Variants in STARD9 observed in about 807,000 individuals in gnomAD.
STARD9 encodes StAR related lipid transfer domain containing 9.
In STARD9, 346 loss-of-function variants were observed where a neutral mutation model predicts 399.8. That is an observed-to-expected ratio of 0.87 (90% CI 0.79 to 0.95). STARD9 has a LOEUF of 0.95. Among genes scored for constraint, STARD9 ranks in the 40% least tolerant of loss-of-function variants. The pLI is 0.00. For synonymous variants in STARD9, 2,203 were observed against 2,143.5 expected (o/e 1.03, Z -0.77); for missense variants, 5,832 against 5,667.5 (o/e 1.03, Z -0.93).
chr15:42,642,035 T>TA (rs1279715684), intron 7 of STARD9, among the ~76,000 whole-genome samples: 2 of 152,188 alleles, frequency 1.3e-5, no homozygotes, highest in Non-Finnish European at 2.9e-5. Context: ...TAAACTTTTT[T>TA]AAAAAAATGT....
Position 42,675,825 on chromosome 15 carries a change from G to T in STARD9, c.1771-47G>T, listed in dbSNP as rs1270210411. ...TAGATGAAAAGCCAAGCTGGGAGAG[G>T]TGGAGGCGATGACAGCAGCCTCACT... is the stretch of plus-strand genomic sequence containing the variant. On this transcript the variant is annotated intron_variant, in intron 19 of 32. Coordinates refer to ENST00000290607, the MANE Select transcript of STARD9 (RefSeq NM_020759.3). 7.8e-6 allele frequency: 12 copies of T among 1,533,918 alleles called. No individual in the cohort carries two copies. In the East Asian group the frequency reaches 2.4e-4, roughly 31 times the overall value.
In STARD9 at chr15:42,684,775, G is replaced by C. The variant is rs746297793; in HGVS notation, c.3197G>C (p.Ser1066Thr). 390 of 1,537,126 alleles carry C rather than the reference G, an allele frequency of 2.5e-4. 1 individual carries two copies. Among genetic ancestry groups the C allele is most frequent in the Non-Finnish European group, 3.3e-4 (379 of 1,146,928 alleles). Reference sequence around the variant, plus strand: ...AAGTCCTCTCACTTGCCTCTTGGCAGTCCTTTGAAGAGACAACAAAATACA... The same window carrying C: ...AAGTCCTCTCACTTGCCTCTTGGCACTCCTTTGAAGAGACAACAAAATACA... ...TKKSSHLPLGSPLKRQQNTRD... is the reference protein window; with the variant it reads ...TKKSSHLPLGTPLKRQQNTRD... The change falls in exon 23 of 33, where the codon AGT (serine) becomes ACT (threonine). Residue 1066 changes from serine (S) to threonine (T), a missense_variant. By Grantham distance (58) the Ser-to-Thr change is moderately conservative. Around this residue, in one of 2 missense-constraint regions of STARD9, gnomAD observed 5,828 missense variants for 5,651.1 expected, o/e 1.03. Coordinates refer to ENST00000290607, the MANE Select transcript of STARD9 (RefSeq NM_020759.3).
chr15:42,665,154 A>G, intron 13 of STARD9, 99 bp from the exon 14 acceptor site: 2 of 891,376 alleles, frequency 2.2e-6, no homozygotes, highest in Non-Finnish European at 3.5e-6. Context: ...GACTACTCCA[A>G]AGGAGTAATC....
In STARD9 at chr15:42,693,801, C is replaced by A. The variant is rs35842593; in HGVS notation, c.12223C>A (p.Arg4075=). 12,682 of 1,536,202 alleles carry A rather than the reference C, an allele frequency of 8.3e-3. 82 individuals are homozygous for A. Among genetic ancestry groups the A allele is most frequent in the Non-Finnish European group, 9.2e-3 (10,522 of 1,146,498 alleles). ...AGGGGAACCACAACGCACTCTGGAC[C>A]GACCTTCTTCATGGGGAGGCCTCCA... ...SPGEPQRTLD[R]PSSWGGLQHL... The change falls in exon 23 of 33, where the codon CGA becomes AGA. Residue 4075 remains arginine (R), a synonymous_variant. Coordinates refer to ENST00000290607, the MANE Select transcript of STARD9 (RefSeq NM_020759.3).
Position 42,651,007 on chromosome 15 carries a change from A to G in STARD9, c.560-9A>G. 3 of 1,504,296 alleles carry G rather than the reference A, an allele frequency of 2.0e-6. No homozygotes were observed. Among genetic ancestry groups the G allele is most frequent in the Non-Finnish European group, 2.7e-6 (3 of 1,125,980 alleles). 93.2% of individuals were successfully genotyped at this position (1,504,296 alleles called of 1,614,324 possible). On this transcript the variant is annotated splice_polypyrimidine_tract_variant and intron_variant, in intron 7 of 32. Coordinates refer to ENST00000290607, the MANE Select transcript of STARD9 (RefSeq NM_020759.3). ...TTAATTTCTTTTTTCCGTTTCACAAATCCGATAGGTTTATCTCAACATGTA... is the reference window on the plus strand; with the variant it reads ...TTAATTTCTTTTTTCCGTTTCACAAGTCCGATAGGTTTATCTCAACATGTA...
At chr15:42,621,922 A>T (rs1023421345) in intron 3 of STARD9, among the ~76,000 whole-genome samples, 10 of 152,206 alleles carry the variant, frequency 6.6e-5, no homozygotes, top group African/African-American at 2.2e-4. Context: ...AAAGCTAGGG[A>T]ATATATATTT....
At chr15:42,600,249 A>G (rs929245839) in intron 3 of STARD9, among the ~76,000 whole-genome samples, 6 of 152,180 alleles carry the variant, frequency 3.9e-5, no homozygotes, top group Admixed American at 3.3e-4. Flanking sequence ...AGTCCAGCCT[A>G]TATAGGACAT....
intron 26 of STARD9, among the ~76,000 whole-genome samples, chr15:42,704,162 C>T (rs1264809997): frequency 2.0e-5 from 3 of 152,258 alleles, no homozygotes; most frequent in South Asian, 4.1e-4. Context: ...CTGCCTGCCT[C>T]GGCCTCCCAA....
Position 42,607,194 on chromosome 15 carries a change from C to CTTTTTTT in STARD9, c.234+21577_234+21583dup, listed in dbSNP as rs763484090. Among the ~76,000 whole-genome samples, 156 of 39,264 alleles carry CTTTTTTT rather than the reference C, an allele frequency of 4.0e-3. 56 individuals carry two copies. Among genetic ancestry groups the CTTTTTTT allele is most frequent in the East Asian group, 0.012 (11 of 922 alleles). 25.8% of individuals were successfully genotyped at this position (39,264 alleles called of 152,430 possible). A position where few individuals can be genotyped will look rare whatever the true frequency, so the allele number is the denominator to read the frequency against. ...AGCACAACCCTGCATTTTTCTGGTGCTTTTTTTTTTTTTTTTTTTTTTTTT... is the reference window on the plus strand; with the variant it reads ...AGCACAACCCTGCATTTTTCTGGTGCTTTTTTTTTTTTTTTTTTTTTTTTTTTTTTTT... On this transcript the variant is annotated intron_variant, in intron 3 of 32. Transcript: ENST00000290607.
At chr15:42,600,525 T>A (rs1200425540) in intron 3 of STARD9, among the ~76,000 whole-genome samples, 1 of 150,416 alleles carries the variant, frequency 6.6e-6, no homozygotes, top group African/African-American at 2.5e-5. Context: ...TTTCTTTCTT[T>A]CTTTTTTTTT....
intron 3 of STARD9, among the ~76,000 whole-genome samples, chr15:42,588,776 GTTTTTTTTTTTTTTT>G (rs758570571): frequency 5.2e-4 from 20 of 38,412 alleles, no homozygotes; most frequent in African/African-American, 2.0e-3. Context: ...TCTTCACAGC[GTTTTTTTTTTTTTTT>G]TTTTTTTTTT....
At chr15:42,577,223 G>T (rs1395773847) in intron 1 of STARD9, among the ~76,000 whole-genome samples, 2 of 151,500 alleles carry the variant, frequency 1.3e-5, no homozygotes, top group East Asian at 3.9e-4. Flanking sequence ...GCGCGATCTC[G>T]GCTCACTGCA....
intron 3 of STARD9, among the ~76,000 whole-genome samples, chr15:42,614,940 A>G (rs918817190): frequency 4.6e-5 from 7 of 151,236 alleles, no homozygotes; most frequent in East Asian, 2.0e-4. Flanking sequence ...ACTCCAGCCT[A>G]GGTGACAGAG....
At position 42,691,544 on chromosome 15, in the gene STARD9, C is replaced by G. The variant is rs3742994; in HGVS notation, c.9966C>G (p.Pro3322=). 16 of 1,537,282 alleles carry G rather than the reference C, an allele frequency of 1.0e-5. No individual in the cohort carries two copies. In the South Asian group the frequency reaches 1.4e-4, roughly 14 times the overall value. ...GCCCCAAACACTCCAGGTCCTCCCC[C>G]ACACCACAGTTCTCAGTTGTCGGCT... The part of the protein sequence containing the change: ...FSGPKHSRSS[P]TPQFSVVGSS... Residue 3322 remains proline, a synonymous_variant, in exon 23 of 33, where the codon CCC becomes CCG. Transcript: ENST00000290607.
At chr15:42,580,915 T>C (rs933303576) in intron 1 of STARD9, among the ~76,000 whole-genome samples, 1 of 152,136 alleles carries the variant, frequency 6.6e-6, no homozygotes, top group African/African-American at 2.4e-5. Flanking sequence ...CTTGTTTAAC[T>C]GGGAAGGGGG....
chr15:42,618,842 G>A (rs181705291), intron 3 of STARD9, among the ~76,000 whole-genome samples: 15 of 152,150 alleles, frequency 9.9e-5, no homozygotes, highest in African/African-American at 3.4e-4. Flanking sequence ...AAAGTGCTGG[G>A]ATTAGAAGTG....
chr15:42,716,592 G>T (rs2061355180), intron 26 of STARD9, 85 bp from the exon 27 acceptor site: 7 of 845,840 alleles, frequency 8.3e-6, no homozygotes, highest in Non-Finnish European at 1.3e-5. Flanking sequence ...CATCCCACTG[G>T]AAGCTGTGAG....
At chr15:42,642,715 A>G (rs1019664960) in intron 7 of STARD9, among the ~76,000 whole-genome samples, 2 of 152,230 alleles carry the variant, frequency 1.3e-5, no homozygotes, top group African/African-American at 4.8e-5. Flanking sequence ...TTTTACCATT[A>G]AGTAATATAT....
At position 42,597,974 on chromosome 15, in the gene STARD9, GTGTGTGTGTGTGTTTGTATATATATA is replaced by G. The variant is rs1394520903; in HGVS notation, c.234+12351_234+12376del. 8.6e-3 allele frequency among the ~76,000 whole-genome samples: 1,260 copies of G among 146,012 alleles called. 19 individuals are homozygous for G. The highest frequency in any genetic ancestry group is 0.031 in the African/African-American group (1,214 of 38,912). Reference sequence around the variant, plus strand: ...GTGTGAGCCACTGCTCCCAGCCTGTGTGTGTGTGTGTGTTTGTATATATATATGTGTGTGTGTGTGTGTGTGTGTGT... The same window carrying G: ...GTGTGAGCCACTGCTCCCAGCCTGTGTGTGTGTGTGTGTGTGTGTGTGTGT... On this transcript the variant is annotated intron_variant, in intron 3 of 32. Coordinates refer to ENST00000290607, the MANE Select transcript of STARD9 (RefSeq NM_020759.3).
Sources: allele counts gnomAD v4.1 joint callset (sites outside exome capture counted in the v4.1 genomes callset), GRCh38; gene constraint gnomAD v4.1.1; regional missense constraint gnomAD v4.1.1; transcripts MANE v1.5; gene names NCBI Gene and HGNC (gene_info 2026-07-23, HGNC 2026-07-21).